Variants in CRYL1 observed in about 807,000 individuals in gnomAD.
CRYL1 encodes the protein crystallin lambda 1.
Under a neutral mutation model 36.6 loss-of-function variants are expected in CRYL1, and 29 were observed. That is an observed-to-expected ratio of 0.79 (90% CI 0.59 to 1.08). The LOEUF is 1.08. CRYL1 is among the 50% of genes least tolerant of loss of function. The pLI, the probability that CRYL1 is intolerant of heterozygous loss-of-function variation, is 0.00. For synonymous variants in CRYL1, 152 were observed against 151.5 expected, an observed-to-expected ratio of 1.00 and a Z score of -0.02; for missense variants, 411 against 407.9, an observed-to-expected ratio of 1.01 and a Z score of -0.06.
Position 20,415,207 on chromosome 13 carries a change from C to T in CRYL1, c.634-1820G>A, listed in dbSNP as rs541912253. 6.6e-6 allele frequency among the ~76,000 whole-genome samples: 1 copy of T among 152,342 alleles called. No homozygotes were observed. Among genetic ancestry groups the T allele is most frequent in the Admixed American group, 6.5e-5 (1 of 15,306 alleles). On this transcript the variant is annotated intron_variant, in intron 5 of 7. Coordinates refer to ENST00000298248, the MANE Select transcript of CRYL1 (RefSeq NM_015974.3). The surrounding 1 kb of genome is among the most constrained non-coding windows in gnomAD (Gnocchi z 4.1). ...AGGCCGTCTCCAAGCTGGGGGCTTG[C>T]TCCGCCCGGAGGGCTCTGCGGGGAC... is the stretch of plus-strand genomic sequence containing the variant.
At chr13:20,521,804 C>T (rs1488697717) in intron 1 of CRYL1, among the ~76,000 whole-genome samples, 1 of 152,070 alleles carries the variant, frequency 6.6e-6, no homozygotes, top group Non-Finnish European at 1.5e-5. Context: ...AGTATCTTTC[C>T]AGCTACAGTT....
At chr13:20,522,365 A>C (rs1173394327) in intron 1 of CRYL1, among the ~76,000 whole-genome samples, 2 of 151,552 alleles carry the variant, frequency 1.3e-5, no homozygotes, top group Non-Finnish European at 2.9e-5. Context: ...AAAAAAAAGT[A>C]CAATCACCCC....
At chr13:20,466,227 T>C (rs1170326283) in intron 3 of CRYL1, among the ~76,000 whole-genome samples, 1 of 152,176 alleles carries the variant, frequency 6.6e-6, no homozygotes, top group Non-Finnish European at 1.5e-5. Context: ...CAGCCTTCCA[T>C]ACGCCCCAAT....
intron 3 of CRYL1, among the ~76,000 whole-genome samples, chr13:20,475,275 G>T (rs1187931370): frequency 6.6e-6 from 1 of 152,212 alleles, no homozygotes; most frequent in African/African-American, 2.4e-5. Flanking sequence ...CAGGCATGCA[G>T]GTTCCAGCTG....
intron 5 of CRYL1, chr13:20,430,576 A>C: frequency 1.0e-6 from 1 of 985,426 alleles, no homozygotes; most frequent in South Asian, 4.7e-5. Context: ...TCCAGCAGCA[A>C]AAGGAAACAC....
chr13:20,429,192 T>C (rs2031999469), intron 5 of CRYL1, among the ~76,000 whole-genome samples: 1 of 152,212 alleles, frequency 6.6e-6, no homozygotes, highest in Non-Finnish European at 1.5e-5. Context: ...ACTTAAAACA[T>C]GCACAAGCCT....
At chr13:20,419,435 G>C (rs976880609) in intron 5 of CRYL1, among the ~76,000 whole-genome samples, 1 of 152,142 alleles carries the variant, frequency 6.6e-6, no homozygotes. Flanking sequence ...TGGGATTACA[G>C]GCATGCGTCA....
At chr13:20,471,388 C>T (rs1462920889) in intron 3 of CRYL1, among the ~76,000 whole-genome samples, 3 of 152,006 alleles carry the variant, frequency 2.0e-5, no homozygotes, top group African/African-American at 4.8e-5. Flanking sequence ...CTGGCTAACA[C>T]GGTGAAGTGT....
intron 3 of CRYL1, among the ~76,000 whole-genome samples, chr13:20,454,190 G>A (rs2032629200): frequency 6.6e-6 from 1 of 151,770 alleles, no homozygotes; most frequent in Non-Finnish European, 1.5e-5. Context: ...ACATTACATG[G>A]GGAAAAAAAA....
chr13:20,453,530 T>G (rs1037257884), intron 3 of CRYL1, among the ~76,000 whole-genome samples: 2 of 151,646 alleles, frequency 1.3e-5, no homozygotes, highest in African/African-American at 4.8e-5. Flanking sequence ...GGAAAATGTA[T>G]AGCATTATAT....
At chr13:20,504,474 T>G (rs2033759381) in intron 2 of CRYL1, among the ~76,000 whole-genome samples, 1 of 151,948 alleles carries the variant, frequency 6.6e-6, no homozygotes. Flanking sequence ...CAGCTGATTT[T>G]TTTGTATTTT....
At chr13:20,489,304 C>T (rs2033461135) in intron 3 of CRYL1, 66 bp downstream of exon 3, 12 of 1,596,990 alleles carry the variant, frequency 7.5e-6, no homozygotes, top group Non-Finnish European at 9.4e-6. Context: ...CTGCCCTGTT[C>T]CTCCGGAGAG....
At chr13:20,422,911 T>C (rs1450225102) in intron 5 of CRYL1, among the ~76,000 whole-genome samples, 3 of 152,232 alleles carry the variant, frequency 2.0e-5, no homozygotes, top group Non-Finnish European at 2.9e-5. Flanking sequence ...ATCATTCCAA[T>C]CCATGAACAC....
intron 3 of CRYL1, among the ~76,000 whole-genome samples, chr13:20,472,592 G>A (rs925693828): frequency 4.6e-5 from 7 of 152,144 alleles, no homozygotes; most frequent in African/African-American, 1.7e-4. Flanking sequence ...CCTAACGTAC[G>A]GGCAAGGCTA....
intron 2 of CRYL1, 117 bp downstream of exon 2, chr13:20,512,326 C>G: frequency 1.4e-6 from 1 of 708,416 alleles, no homozygotes; most frequent in African/African-American, 1.8e-5. Flanking sequence ...ACTGCAGTAG[C>G]CATCAGACGA....
intron 5 of CRYL1, among the ~76,000 whole-genome samples, 170 bp from the exon 6 acceptor site, chr13:20,413,557 CTGA>C (rs1301835759): frequency 6.6e-6 from 1 of 152,194 alleles, no homozygotes; most frequent in Non-Finnish European, 1.5e-5. Context: ...TTTTGGATGG[CTGA>C]TATTTTTTAG....
intron 2 of CRYL1, among the ~76,000 whole-genome samples, chr13:20,503,518 C>T (rs927439789): frequency 1.3e-5 from 2 of 152,190 alleles, no homozygotes; most frequent in African/African-American, 4.8e-5. Context: ...GAAGGGTCCC[C>T]AGCAGGAAGC....
intron 4 of CRYL1, 47 bp downstream of exon 4, chr13:20,439,546 C>CAAAA: frequency 1.4e-6 from 1 of 693,698 alleles, no homozygotes; most frequent in Non-Finnish European, 2.0e-6. Flanking sequence ...AAAAAAAACA[C>CAAAA]AGAATGAGAT....
At chr13:20,432,016 C>T (rs2032071835) in intron 5 of CRYL1, 86 bp downstream of exon 5, 1 of 1,604,594 alleles carries the variant, frequency 6.2e-7, no homozygotes, top group African/African-American at 1.3e-5. Flanking sequence ...CAAGGAACAA[C>T]TTTCACTGTC....
Sources: allele counts gnomAD v4.1 joint callset (sites outside exome capture counted in the v4.1 genomes callset), GRCh38; gene constraint gnomAD v4.1.1; non-coding constraint Gnocchi (gnomAD v3.1); transcripts MANE v1.5; gene names NCBI Gene and HGNC (gene_info 2026-07-23, HGNC 2026-07-21).